The following ZBED3 variants were observed in gnomAD, a reference collection of about 807,000 sequenced individuals.
The protein encoded by ZBED3 is zinc finger BED domain-containing protein 3.
For missense variants in ZBED3, 388 were observed against 362.9 expected (o/e 1.07, Z -0.56); for synonymous variants, 175 against 180.0 (o/e 0.97, Z 0.22).
Position 77,076,007 on chromosome 5 carries a change from ATATATG to A in ZBED3, c.*1161_*1166del, listed in dbSNP as rs1561296523. 5.4e-5 allele frequency: 2 copies of A among 37,032 alleles called. No individual in the cohort carries two copies. The highest frequency in any genetic ancestry group is 6.7e-5 in the Non-Finnish European group (1 of 14,978). 2.3% of individuals were successfully genotyped at this position (37,032 alleles called of 1,614,324 possible). A position where few individuals can be genotyped will look rare whatever the true frequency, so the allele number is the denominator to read the frequency against. ...TATATATATATGTATATATGTATAT[ATATATG>A]TATATATGTATATATATATGTATAT... On this transcript the variant is annotated 3_prime_UTR_variant, in exon 3 of 3. Transcript: ENST00000255198.
At chr5:77,081,016 C>T (rs978856362) in intron 1 of ZBED3, among the ~76,000 whole-genome samples, 1 of 152,130 alleles carries the variant, frequency 6.6e-6, no homozygotes, top group Admixed American at 6.5e-5. Context: ...TCAGCCACAA[C>T]CGTAACACAC....
In ZBED3 at chr5:77,083,094, A is replaced by G. The variant is rs115984135; in HGVS notation, c.-153+4017T>C. On this transcript the variant is annotated intron_variant, in intron 1 of 2. Coordinates refer to ENST00000255198, the MANE Select transcript of ZBED3 (RefSeq NM_032367.4). ...GGAGGTTGCAGTGAGCCGAGATTGC[A>G]CGATTGTACTCCAGCCTGGGTAGTA... Among the ~76,000 whole-genome samples the G allele has an allele frequency of 7.3e-3, 1,117 of 152,280 alleles. 8 individuals are homozygous for G. The highest frequency in any genetic ancestry group is 0.025 in the African/African-American group (1,043 of 41,560).
chr5:77,075,986 T>C lies in ZBED3; in HGVS notation c.*1188A>G, dbSNP rs1375118215. The C allele has an allele frequency of 0.013, 349 of 27,432 alleles. 73 individuals carry two copies. Among genetic ancestry groups the C allele is most frequent in the Non-Finnish European group, 0.016 (215 of 13,672 alleles). The allele number at this position is 27,432 out of a possible 1,614,324, so 1.7% of individuals were successfully genotyped here. On this transcript the variant is annotated 3_prime_UTR_variant, in exon 3 of 3. Transcript: ENST00000255198. ...ATATATGTATATGTATATATGTATA[T>C]ATATATGTATATATGTATATATATA...
At chr5:77,082,216 G>A (rs547537454) in intron 1 of ZBED3, among the ~76,000 whole-genome samples, 3 of 151,046 alleles carry the variant, frequency 2.0e-5, no homozygotes, top group East Asian at 3.9e-4. Flanking sequence ...GCAGTGAGCC[G>A]AGATAGCACC....
At chr5:77,080,463 C>T in intron 1 of ZBED3, 2 of 510,550 alleles carry the variant, frequency 3.9e-6, no homozygotes, top group Middle Eastern at 6.5e-4. Context: ...CGCTGCCCCT[C>T]CAAGGGTGGC....
rs1742988906 is a variant in ZBED3, at chr5:77,076,013, GTATATATGTATATATA to G, written c.*1145_*1160del. ...TATATGTATATATGTATATATATAT[GTATATATGTATATATA>G]TATGTATATATGTATATATATATAT... On this transcript the variant is annotated 3_prime_UTR_variant, in exon 3 of 3. Transcript: ENST00000255198. 1 of 51,406 alleles carries G rather than the reference GTATATATGTATATATA, an allele frequency of 1.9e-5. No individual in the cohort carries two copies. The highest frequency in any genetic ancestry group is 7.7e-5 in the African/African-American group (1 of 13,028). The allele number at this position is 51,406 out of a possible 1,614,324, so 3.2% of individuals were successfully genotyped here.
rs979366583 is a variant in ZBED3 at position 77,074,725 on chromosome 5, GAAGCA to G, written c.*2444_*2448del. ...CAGGTGTCAGCTGGGTCGACTGAAG[GAAGCA>G]GAGATCTCAGGAAGCAGTACATGGT... On this transcript the variant is annotated 3_prime_UTR_variant, in exon 3 of 3. Coordinates refer to ENST00000255198, the MANE Select transcript of ZBED3 (RefSeq NM_032367.4). 57 of 152,344 alleles carry G rather than the reference GAAGCA, an allele frequency of 3.7e-4. No homozygotes were observed. The highest frequency in any genetic ancestry group is 1.3e-3 in the African/African-American group (55 of 41,544). 9.4% of individuals were successfully genotyped at this position (152,344 alleles called of 1,614,324 possible).
Position 77,077,250 on chromosome 5 carries a change from G to C in ZBED3, c.629C>G (p.Pro210Arg). The change falls in exon 3 of 3, where the codon CCC becomes CGC. Residue 210 changes from proline to arginine, a missense_variant. Pro to Arg is a moderately radical substitution (Grantham distance 103). Coordinates refer to ENST00000255198, the MANE Select transcript of ZBED3 (RefSeq NM_032367.4). ...GTCCTTGAGCGGCGGCGGCGCAGCG[G>C]GGGCCCAGCCCAGGGCGCCCTCACG... is the stretch of plus-strand genomic sequence containing the variant. ...SRREGALGWA[P>R]AAPPPLKDDP... is the part of the protein sequence containing the mutation. 6.8e-7 allele frequency: 1 copy of C among 1,470,434 alleles called. No individual in the cohort carries two copies. The highest frequency in any genetic ancestry group is 9.0e-7 in the Non-Finnish European group (1 of 1,114,520). 91.1% of individuals were successfully genotyped at this position (1,470,434 alleles called of 1,614,324 possible). A position where few individuals can be genotyped will look rare whatever the true frequency, so the allele number is the denominator to read the frequency against.
chr5:77,077,226 T>A lies in ZBED3; in HGVS notation c.653A>T (p.Asp218Val), dbSNP rs1244445943. ...WAPAAPPPLK[D>V]DPEGDRDGCV... ...GCCGTCCCTGTCACCCTCGGGGTCG[T>A]CCTTGAGCGGCGGCGGCGCAGCGGG... The change falls in exon 3 of 3, where the codon GAC (aspartate) becomes GTC (valine). Residue 218 changes from aspartate to valine, a missense_variant. Asp to Val is a radical substitution (Grantham distance 152). Coordinates refer to ENST00000255198, the MANE Select transcript of ZBED3 (RefSeq NM_032367.4). 1 of 1,493,742 alleles carries A rather than the reference T, an allele frequency of 6.7e-7. No individual in the cohort carries two copies. The highest frequency in any genetic ancestry group is 8.9e-7 in the Non-Finnish European group (1 of 1,127,484). The allele number at this position is 1,493,742 out of a possible 1,614,324, so 92.5% of individuals were successfully genotyped here. A position where few individuals can be genotyped will look rare whatever the true frequency, so the allele number is the denominator to read the frequency against.
chr5:77,086,389 A>G lies in ZBED3; in HGVS notation c.-153+722T>C, dbSNP rs60085832. Among the ~76,000 whole-genome samples, 1,098 of 152,274 alleles carry G rather than the reference A, an allele frequency of 7.2e-3. 16 individuals carry two copies. The highest frequency in any genetic ancestry group is 0.025 in the African/African-American group (1,051 of 41,526). ...TGCCTCCAAAAGGTGTCAGCATATGAATAAAAACAGCAGAAAATAATTACC... is the reference window on the plus strand; with the variant it reads ...TGCCTCCAAAAGGTGTCAGCATATGGATAAAAACAGCAGAAAATAATTACC... On this transcript the variant is annotated intron_variant, in intron 1 of 2. Transcript: ENST00000255198.
rs1742978533 is a variant in ZBED3 at position 77,075,975 on chromosome 5, A to ATATATATG, written c.*1198_*1199insCATATATA. On this transcript the variant is annotated 3_prime_UTR_variant, in exon 3 of 3. Coordinates refer to ENST00000255198, the MANE Select transcript of ZBED3 (RefSeq NM_032367.4). ...TATATATATATATATATGTATATGT[A>ATATATATG]TATATGTATATATATATGTATATAT... is the stretch of plus-strand genomic sequence containing the variant. 5.8e-5 allele frequency: 2 copies of ATATATATG among 34,428 alleles called. No homozygotes were observed. Among genetic ancestry groups the ATATATATG allele is most frequent in the African/African-American group, 2.8e-4 (2 of 7,028 alleles). The allele number at this position is 34,428 out of a possible 1,614,324, so 2.1% of individuals were successfully genotyped here. A position where few individuals can be genotyped will look rare whatever the true frequency, so the allele number is the denominator to read the frequency against.
chr5:77,084,336 G>T (rs1370955651), intron 1 of ZBED3, among the ~76,000 whole-genome samples: 1 of 152,102 alleles, frequency 6.6e-6, no homozygotes. Context: ...CACGAGCGCG[G>T]TTTCTCCCAT....
intron 1 of ZBED3, among the ~76,000 whole-genome samples, chr5:77,085,973 T>C (rs1366744950): frequency 6.6e-6 from 1 of 152,252 alleles, no homozygotes; most frequent in African/African-American, 2.4e-5. Flanking sequence ...TCAGAGTTGT[T>C]TCCTAAATGG....
intron 1 of ZBED3, among the ~76,000 whole-genome samples, chr5:77,083,895 C>T (rs1743180180): frequency 6.6e-6 from 1 of 152,162 alleles, no homozygotes; most frequent in Admixed American, 6.5e-5. Flanking sequence ...TTAGCCAAAG[C>T]CCTGTGATAA....
Position 77,072,199 on chromosome 5 carries a change from T to C in ZBED3, c.*4975A>G, listed in dbSNP as rs1353838253. The C allele has an allele frequency of 6.6e-6, 1 of 152,172 alleles. No homozygotes were observed. Among genetic ancestry groups the C allele is most frequent in the African/African-American group, 2.4e-5 (1 of 41,408 alleles). 9.4% of individuals were successfully genotyped at this position (152,172 alleles called of 1,614,324 possible). A position where few individuals can be genotyped will look rare whatever the true frequency, so the allele number is the denominator to read the frequency against. Reference sequence around the variant, plus strand: ...ATAATGACTCCCAGTGCTACCTGAATTCATTCACATCATAAACCAACTAAA... The same window carrying C: ...ATAATGACTCCCAGTGCTACCTGAACTCATTCACATCATAAACCAACTAAA... On this transcript the variant is annotated 3_prime_UTR_variant, in exon 3 of 3. Coordinates refer to ENST00000255198, the MANE Select transcript of ZBED3 (RefSeq NM_032367.4).
intron 1 of ZBED3, among the ~76,000 whole-genome samples, chr5:77,079,637 G>A (rs1360288589): frequency 6.6e-6 from 1 of 152,072 alleles, no homozygotes; most frequent in African/African-American, 2.4e-5. Context: ...ACAAAGAAAT[G>A]GCTATTTACA....
rs1742904011 is a variant in ZBED3 at position 77,072,400 on chromosome 5, T to C, written c.*4774A>G. ...CTACCATATTCACCAGACTGAATAA[T>C]TGGCAGTTCTTTTAAAAAATCAAAT... is the stretch of plus-strand genomic sequence containing the variant. On this transcript the variant is annotated 3_prime_UTR_variant, in exon 3 of 3. Coordinates refer to ENST00000255198, the MANE Select transcript of ZBED3 (RefSeq NM_032367.4). 1.3e-5 allele frequency: 2 copies of C among 152,208 alleles called. No individual in the cohort carries two copies. The highest frequency in any genetic ancestry group is 6.5e-5 in the Admixed American group (1 of 15,286). 9.4% of individuals were successfully genotyped at this position (152,208 alleles called of 1,614,324 possible).
chr5:77,077,937 G>A, intron 2 of ZBED3, 42 bp from the exon 3 acceptor site: 10 of 1,205,428 alleles, frequency 8.3e-6, no homozygotes, highest in Non-Finnish European at 8.3e-6. Context: ...TTAGGATCAC[G>A]CACACAGCTC....
chr5:77,077,253 GC>G lies in ZBED3; in HGVS notation c.625del (p.Ala209ProfsTer70). 6.8e-7 allele frequency: 1 copy of G among 1,462,342 alleles called. No homozygotes were observed. The highest frequency in any genetic ancestry group is 9.0e-7 in the Non-Finnish European group (1 of 1,110,176). 90.6% of individuals were successfully genotyped at this position (1,462,342 alleles called of 1,614,324 possible). On this transcript the variant is annotated frameshift_variant, in exon 3 of 3. Transcript: ENST00000255198. LOFTEE classifies it low-confidence loss of function (END_TRUNC). ...VSRREGALGW[A>X]PAAPPPLKDD... Reference sequence around the variant, plus strand: ...CTTGAGCGGCGGCGGCGCAGCGGGGGCCCAGCCCAGGGCGCCCTCACGGCGG... The same window carrying G: ...CTTGAGCGGCGGCGGCGCAGCGGGGGCCAGCCCAGGGCGCCCTCACGGCGG...
Sources: gnomAD v4.1 joint callset for allele counts (sites outside exome capture counted in the v4.1 genomes callset) on GRCh38, gnomAD v4.1.1 for gene constraint, MANE v1.5 for transcripts, NCBI Gene and HGNC (gene_info 2026-07-23, HGNC 2026-07-21) for gene names.